The following DIP2B variants were observed in gnomAD, a reference collection of about 807,000 sequenced individuals.
DIP2B encodes the protein DIP2 acetate--CoA ligase B (putative).
Under a neutral mutation model 198.0 loss-of-function variants are expected in DIP2B, and 76 were observed. The ratio of observed to expected loss-of-function variants is 0.38; its 90% CI spans 0.32 to 0.46. DIP2B has a LOEUF of 0.46. Among genes scored for constraint, DIP2B ranks in the 20% least tolerant of loss-of-function variants. DIP2B has a pLI of 0.99. For missense variants in DIP2B, 1,559 were observed against 1,978.4 expected, an observed-to-expected ratio of 0.79 and a Z score of 4.02; for synonymous variants, 701 against 739.1, an observed-to-expected ratio of 0.95 and a Z score of 0.84.
chr12:50,661,916 G>A (rs1203437290), intron 4 of DIP2B, among the ~76,000 whole-genome samples: 1 of 152,186 alleles, frequency 6.6e-6, no homozygotes, highest in Non-Finnish European at 1.5e-5. Context: ...CAAAGACCTT[G>A]AGAATGCTCA....
chr12:50,519,908 T>C (rs1451690466), intron 1 of DIP2B, among the ~76,000 whole-genome samples: 1 of 151,904 alleles, frequency 6.6e-6, no homozygotes. Context: ...GATTTTTTTT[T>C]CTTTTTCTTT....
chr12:50,671,122 C>G (rs1329866056), intron 4 of DIP2B, 64 bp from the exon 5 acceptor site: 79 of 1,515,596 alleles, frequency 5.2e-5, no homozygotes, highest in Non-Finnish European at 6.8e-5. Context: ...GATCAATGAG[C>G]AAGAACTGAA....
chr12:50,643,847 C>T (rs1417744539), intron 3 of DIP2B, among the ~76,000 whole-genome samples: 1 of 152,064 alleles, frequency 6.6e-6, no homozygotes, highest in African/African-American at 2.4e-5. Context: ...TGGGAGCTGA[C>T]CTTATATCTG....
chr12:50,672,280 TG>T (rs1938868712), intron 5 of DIP2B, among the ~76,000 whole-genome samples: 1 of 152,210 alleles, frequency 6.6e-6, no homozygotes, highest in African/African-American at 2.4e-5. Context: ...ATAGCTACCT[TG>T]AGGGTATGAT....
At chr12:50,517,318 A>G (rs11611288) in intron 1 of DIP2B, among the ~76,000 whole-genome samples, 41,102 of 151,722 alleles carry the variant, frequency 0.27, 6,305 homozygotes, top group Non-Finnish European at 0.35. Flanking sequence ...AAGGTGATCC[A>G]CCCGTCTTGA....
intron 23 of DIP2B, among the ~76,000 whole-genome samples, chr12:50,716,851 G>A (rs1224908862): frequency 6.6e-6 from 1 of 151,964 alleles, no homozygotes; most frequent in Non-Finnish European, 1.5e-5. Flanking sequence ...TTCTAGAGAG[G>A]GAGTGGGCTC....
At chr12:50,649,957 C>A (rs190702471) in intron 3 of DIP2B, among the ~76,000 whole-genome samples, 11 of 152,196 alleles carry the variant, frequency 7.2e-5, no homozygotes, top group African/African-American at 2.4e-4. Context: ...GCCTGTAATC[C>A]CAACACTTTG....
At chr12:50,651,045 G>A (rs1442285768) in intron 3 of DIP2B, among the ~76,000 whole-genome samples, 1 of 152,122 alleles carries the variant, frequency 6.6e-6, no homozygotes, top group East Asian at 1.9e-4. Context: ...TGGCTGTGAA[G>A]TAGTACCTCA....
intron 37 of DIP2B, chr12:50,743,604 G>A (rs1317668784): frequency 6.6e-6 from 1 of 152,152 alleles, no homozygotes; most frequent in Non-Finnish European, 1.5e-5. Context: ...TTAATTGATT[G>A]TTAATAGTCA....
At chr12:50,533,557 G>A (rs760365507) in intron 1 of DIP2B, among the ~76,000 whole-genome samples, 16 of 152,022 alleles carry the variant, frequency 1.1e-4, no homozygotes, top group Non-Finnish European at 1.8e-4. Flanking sequence ...TCACCTACAG[G>A]AAGTTGTGGA....
intron 12 of DIP2B, among the ~76,000 whole-genome samples, chr12:50,690,226 A>G (rs1939200316): frequency 6.6e-6 from 1 of 151,694 alleles, no homozygotes; most frequent in Non-Finnish European, 1.5e-5. Flanking sequence ...AACTGGGACT[A>G]CAGGCGCCCG....
chr12:50,707,214 G>T (rs1244160226), intron 21 of DIP2B, among the ~76,000 whole-genome samples: 1 of 152,206 alleles, frequency 6.6e-6, no homozygotes, highest in Non-Finnish European at 1.5e-5. Flanking sequence ...TTGATGTCCT[G>T]TTCAGCAATT....
At chr12:50,665,809 A>G (rs995871917) in intron 4 of DIP2B, among the ~76,000 whole-genome samples, 2 of 152,000 alleles carry the variant, frequency 1.3e-5, no homozygotes, top group African/African-American at 4.8e-5. Flanking sequence ...TTTCCCTAAT[A>G]GATACTCACG....
chr12:50,698,619 A>G (rs1939361192), intron 18 of DIP2B, 152 bp downstream of exon 18: 3 of 965,202 alleles, frequency 3.1e-6, no homozygotes, highest in Non-Finnish European at 1.4e-6. Flanking sequence ...TTAAGTCATT[A>G]TAATTATGCT....
intron 1 of DIP2B, among the ~76,000 whole-genome samples, chr12:50,604,575 A>T (rs1565842003): frequency 6.6e-6 from 1 of 152,094 alleles, no homozygotes; most frequent in Non-Finnish European, 1.5e-5. Flanking sequence ...CTCCTGTCTC[A>T]GCCTCCTGAG....
At chr12:50,644,914 A>G (rs982446810) in intron 3 of DIP2B, among the ~76,000 whole-genome samples, 1 of 152,192 alleles carries the variant, frequency 6.6e-6, no homozygotes, top group Non-Finnish European at 1.5e-5. Flanking sequence ...TAAATGTAAG[A>G]ATTTGATTTG....
At chr12:50,546,598 T>C (rs953994943) in intron 1 of DIP2B, among the ~76,000 whole-genome samples, 9 of 152,220 alleles carry the variant, frequency 5.9e-5, no homozygotes, top group African/African-American at 2.2e-4. Context: ...AATGTCCTTA[T>C]CTGGAAAATA....
intron 21 of DIP2B, among the ~76,000 whole-genome samples, chr12:50,707,129 T>C (rs1283079092): frequency 6.6e-6 from 1 of 152,232 alleles, no homozygotes; most frequent in East Asian, 1.9e-4. Flanking sequence ...TCAAATTCCA[T>C]GGACAAAGTC....
chr12:50,731,607 C>T (rs1210901483), intron 31 of DIP2B, 70 bp downstream of exon 31: 1 of 1,512,440 alleles, frequency 6.6e-7, no homozygotes, highest in East Asian at 2.3e-5. Flanking sequence ...CGTAACAGGG[C>T]CAGAGCAGGG....
Sources: gnomAD v4.1 joint callset for allele counts (sites outside exome capture counted in the v4.1 genomes callset) on GRCh38, gnomAD v4.1.1 for gene constraint, MANE v1.5 for transcripts, NCBI Gene and HGNC (gene_info 2026-07-23, HGNC 2026-07-21) for gene names.